EIF3E: variants seen among roughly 807,000 people sequenced by gnomAD.
The protein encoded by EIF3E is eIF-3 p48.
In EIF3E, 25 loss-of-function variants were observed where a neutral mutation model predicts 59.3. The observed-to-expected ratio is 0.42, with a 90% CI of 0.31 to 0.59. The LOEUF is 0.59. Ranked by LOEUF, EIF3E falls within the 20% of genes least tolerant of loss-of-function variation. EIF3E has a pLI of 0.15. For synonymous variants in EIF3E, 176 were observed against 170.2 expected (o/e 1.03, Z -0.26); for missense variants, 317 against 534.3 (o/e 0.59, Z 4.01).
intron 7 of EIF3E, among the ~76,000 whole-genome samples, chr8:108,220,547 A>C (rs755037101): frequency 4.6e-5 from 7 of 152,208 alleles, no homozygotes; most frequent in Non-Finnish European, 1.0e-4. Flanking sequence ...AAATGACTTT[A>C]CTGCAATATA....
intron 11 of EIF3E, 68 bp downstream of exon 11, chr8:108,203,333 C>A: frequency 7.0e-7 from 1 of 1,423,676 alleles, no homozygotes; most frequent in South Asian, 1.2e-5. Context: ...ATAAAATGTC[C>A]TAGTTAAGAA....
chr8:108,246,904 A>G (rs1815959591), intron 1 of EIF3E, among the ~76,000 whole-genome samples: 1 of 152,196 alleles, frequency 6.6e-6, no homozygotes, highest in African/African-American at 2.4e-5. Context: ...AGGACTGTCC[A>G]TGTTCTCAGT....
chr8:108,247,065 T>G (rs1485664625), intron 1 of EIF3E, among the ~76,000 whole-genome samples: 1 of 152,206 alleles, frequency 6.6e-6, no homozygotes. Context: ...CTCCAGCATC[T>G]GTCTTCCTCT....
chr8:108,217,148 T>G (rs1248101544), intron 8 of EIF3E, among the ~76,000 whole-genome samples, 186 bp downstream of exon 8: 2 of 152,202 alleles, frequency 1.3e-5, no homozygotes, highest in Non-Finnish European at 2.9e-5. Context: ...ATCCAACTTG[T>G]GTATCTTGGA....
At chr8:108,204,659 G>A (rs28637092) in intron 10 of EIF3E, among the ~76,000 whole-genome samples, 6,700 of 150,448 alleles carry the variant, frequency 0.045, 272 homozygotes, top group African/African-American at 0.11. Flanking sequence ...TAAAACTGAC[G>A]GGCATTGTGT....
intron 1 of EIF3E, among the ~76,000 whole-genome samples, chr8:108,245,037 C>T (rs1030216116): frequency 7.2e-5 from 11 of 152,056 alleles, no homozygotes; most frequent in African/African-American, 2.4e-4. Flanking sequence ...GGGCCCTCCA[C>T]ACTTAACCAA....
intron 2 of EIF3E, 31 bp from the exon 3 acceptor site, chr8:108,240,106 G>A (rs1307183479): frequency 6.6e-7 from 1 of 1,513,778 alleles, no homozygotes; most frequent in Non-Finnish European, 9.2e-7. Flanking sequence ...GCACTACAAT[G>A]TTAAGGAATG....
intron 7 of EIF3E, among the ~76,000 whole-genome samples, chr8:108,223,128 A>G (rs1239833547): frequency 6.6e-6 from 1 of 152,328 alleles, no homozygotes; most frequent in East Asian, 1.9e-4. Flanking sequence ...AGATGAAGCT[A>G]TTATAAGTTT....
chr8:108,217,374 C>T lies in EIF3E; in HGVS notation c.809G>A (p.Arg270His). ...AACTAGATCTTTTAGAACCTGCCGA[C>T]GTTTTCGAACATCCTTGTTTGTTAT... ...AVITNKDVRK[R>H]RQVLKDLVKV... Residue 270 changes from arginine to histidine, a missense_variant, in exon 8 of 13, where the codon CGT (arginine) becomes CAT (histidine). This residue lies in a region of EIF3E where 242 missense variants were observed against 398.0 expected (regional missense o/e 0.61). Coordinates refer to ENST00000220849, the MANE Select transcript of EIF3E (RefSeq NM_001568.3). 2.5e-6 allele frequency: 4 copies of T among 1,587,788 alleles called. No homozygotes were observed. The highest frequency in any genetic ancestry group is 3.4e-6 in the Non-Finnish European group (4 of 1,166,286).
chr8:108,223,890 G>A (rs639059), intron 7 of EIF3E, among the ~76,000 whole-genome samples: 74,379 of 150,994 alleles, frequency 0.49, 18,875 homozygotes, highest in African/African-American at 0.55. Context: ...AAGGACAAAC[G>A]TATACATGAT....
At chr8:108,245,247 C>T (rs1815925239) in intron 1 of EIF3E, among the ~76,000 whole-genome samples, 2 of 152,022 alleles carry the variant, frequency 1.3e-5, no homozygotes, top group Admixed American at 6.6e-5. Context: ...TGGCAGATCA[C>T]TTGAGTTCAG....
chr8:108,213,543 G>A (rs1259056433), intron 10 of EIF3E, among the ~76,000 whole-genome samples: 1 of 152,116 alleles, frequency 6.6e-6, no homozygotes, highest in East Asian at 1.9e-4. Flanking sequence ...AATTCTACAA[G>A]GGAAACCAAA....
rs1260381409 is a variant in EIF3E, at chr8:108,217,355, A to G, written c.828T>C (p.Asp276=). Residue 276 remains aspartate, a synonymous_variant, in exon 8 of 13, where the codon GAT becomes GAC. Transcript: ENST00000220849. ...DVRKRRQVLK[D]LVKVIQQESY... Reference sequence around the variant, plus strand: ...TTACCTGTTGAATAACTTTAACTAGATCTTTTAGAACCTGCCGACGTTTTC... The same window carrying G: ...TTACCTGTTGAATAACTTTAACTAGGTCTTTTAGAACCTGCCGACGTTTTC... The G allele has an allele frequency of 2.6e-6, 4 of 1,562,784 alleles. No homozygotes were observed. The highest frequency in any genetic ancestry group is 2.4e-5 in the South Asian group (2 of 84,482).
At chr8:108,226,591 A>T (rs1363883755) in intron 7 of EIF3E, among the ~76,000 whole-genome samples, 5 of 152,152 alleles carry the variant, frequency 3.3e-5, no homozygotes, top group Non-Finnish European at 7.4e-5. Flanking sequence ...TAATTTTAAT[A>T]TCATTTTTCT....
At chr8:108,203,290 A>T in intron 11 of EIF3E, 111 bp downstream of exon 11, 2 of 1,304,706 alleles carry the variant, frequency 1.5e-6, no homozygotes, top group Non-Finnish European at 2.1e-6. Flanking sequence ...GAACTGTTTT[A>T]CATTAAAACA....
chr8:108,213,412 T>C (rs1420418154), intron 10 of EIF3E, among the ~76,000 whole-genome samples: 2 of 152,168 alleles, frequency 1.3e-5, no homozygotes, highest in African/African-American at 4.8e-5. Context: ...GTTAGTATGT[T>C]AGGTGCTAAA....
At chr8:108,230,706 T>A (rs982075972) in intron 5 of EIF3E, among the ~76,000 whole-genome samples, 1 of 152,122 alleles carries the variant, frequency 6.6e-6, no homozygotes, top group Admixed American at 6.6e-5. Flanking sequence ...ACAATACAAC[T>A]TGTACATGCA....
At chr8:108,217,926 C>T (rs1815334219) in intron 7 of EIF3E, among the ~76,000 whole-genome samples, 1 of 152,050 alleles carries the variant, frequency 6.6e-6, no homozygotes, top group African/African-American at 2.4e-5. Context: ...AGGAATATTA[C>T]AATATTACAA....
intron 10 of EIF3E, among the ~76,000 whole-genome samples, chr8:108,209,137 A>G (rs1586191728): frequency 6.6e-6 from 1 of 152,106 alleles, no homozygotes; most frequent in East Asian, 1.9e-4. Flanking sequence ...TTATAATACT[A>G]TTTTCAGCAT....
Sources: allele counts gnomAD v4.1 joint callset (sites outside exome capture counted in the v4.1 genomes callset), GRCh38; gene constraint gnomAD v4.1.1; regional missense constraint gnomAD v4.1.1; transcripts MANE v1.5; gene names NCBI Gene and HGNC (gene_info 2026-07-23, HGNC 2026-07-21).